Variants in IQGAP3 observed in about 807,000 individuals in gnomAD.
IQGAP3 encodes ras GTPase-activating-like protein IQGAP3.
In IQGAP3, 165 loss-of-function variants were observed where a neutral mutation model predicts 208.2. The observed-to-expected ratio is 0.79, with a 90% CI of 0.70 to 0.90. IQGAP3 has a LOEUF of 0.90. Ranked by LOEUF, IQGAP3 falls within the 40% of genes least tolerant of loss-of-function variation. The pLI is 0.00. For missense variants in IQGAP3, 1,811 were observed against 2,043.1 expected (o/e 0.89, Z 2.19); for synonymous variants, 703 against 803.6 (o/e 0.87, Z 2.12).
At chr1:156,568,556 G>A (rs111392181) in intron 2 of IQGAP3, among the ~76,000 whole-genome samples, 2 of 152,214 alleles carry the variant, frequency 1.3e-5, no homozygotes, top group African/African-American at 4.8e-5. Context: ...GTCTCACTTT[G>A]TCATCCAGGA....
Position 156,533,205 on chromosome 1 carries a change from T to G in IQGAP3, c.3977-99A>C. On this transcript the variant is annotated intron_variant, in intron 31 of 37. Transcript: ENST00000361170. ...CATGCACCGATGGGGTCACATTAAA[T>G]CAGCTGCTCCACATGCCCCTCTTCC... The G allele has an allele frequency of 2.1e-6, 3 of 1,458,034 alleles. No individual in the cohort carries two copies. In the South Asian group the frequency reaches 3.7e-5, roughly 18 times the overall value. 90.3% of individuals were successfully genotyped at this position (1,458,034 alleles called of 1,614,324 possible). A position where few individuals can be genotyped will look rare whatever the true frequency, so the allele number is the denominator to read the frequency against.
intron 34 of IQGAP3, 83 bp downstream of exon 34, chr1:156,530,022 C>T (rs1557915645): frequency 3.4e-6 from 4 of 1,172,344 alleles, no homozygotes; most frequent in Admixed American, 4.1e-5. Flanking sequence ...GAGGGGCCCA[C>T]CAACACTATG....
intron 2 of IQGAP3, among the ~76,000 whole-genome samples, chr1:156,567,604 T>C (rs1676466176): frequency 6.6e-6 from 1 of 152,224 alleles, no homozygotes; most frequent in African/African-American, 2.4e-5. Context: ...CCCTACATAT[T>C]GGGGTCTAAT....
intron 32 of IQGAP3, among the ~76,000 whole-genome samples, chr1:156,532,386 CAAAAA>C (rs11302550): frequency 1.2e-5 from 1 of 81,562 alleles, no homozygotes. Context: ...GACTCCATCT[CAAAAA>C]AAAAAAAAAA....
At chr1:156,540,951 T>C (rs1265363215) in intron 22 of IQGAP3, 35 bp from the exon 23 acceptor site, 1 of 1,577,570 alleles carries the variant, frequency 6.3e-7, no homozygotes, top group East Asian at 2.2e-5. Context: ...GGATTAGCCA[T>C]GCCTCATCAG....
intron 19 of IQGAP3, among the ~76,000 whole-genome samples, chr1:156,546,226 G>A (rs1477460856): frequency 1.3e-5 from 2 of 152,114 alleles, no homozygotes; most frequent in African/African-American, 2.4e-5. Context: ...TCCTGGATGG[G>A]GTTCTGGCCA....
chr1:156,531,374 G>C (rs1229564465), intron 32 of IQGAP3, 127 bp from the exon 33 acceptor site: 3 of 708,850 alleles, frequency 4.2e-6, no homozygotes, highest in Non-Finnish European at 7.7e-6. Context: ...TATAAGGAGA[G>C]AGAGCGAGGG....
intron 19 of IQGAP3, among the ~76,000 whole-genome samples, chr1:156,547,319 T>C (rs1675292679): frequency 1.3e-5 from 2 of 151,910 alleles, no homozygotes; most frequent in African/African-American, 4.8e-5. Flanking sequence ...CCACCACTTC[T>C]TCGAGCCCTC....
At chr1:156,547,406 C>G (rs1318879023) in intron 19 of IQGAP3, among the ~76,000 whole-genome samples, 2 of 151,694 alleles carry the variant, frequency 1.3e-5, no homozygotes, top group East Asian at 1.9e-4. Flanking sequence ...CACACACACA[C>G]ACACACACAC....
intron 37 of IQGAP3, among the ~76,000 whole-genome samples, chr1:156,527,327 C>T (rs1214997589): frequency 6.6e-6 from 1 of 151,498 alleles, no homozygotes; most frequent in Non-Finnish European, 1.5e-5. Context: ...TAAAAATACA[C>T]AAAAAGCCGG....
At chr1:156,527,675 A>C (rs1198761142) in intron 37 of IQGAP3, among the ~76,000 whole-genome samples, 1 of 152,208 alleles carries the variant, frequency 6.6e-6, no homozygotes, top group Non-Finnish European at 1.5e-5. Flanking sequence ...AGTCCCTGAC[A>C]TGTGATAGGG....
At chr1:156,546,799 C>G (rs1216121968) in intron 19 of IQGAP3, among the ~76,000 whole-genome samples, 1 of 152,198 alleles carries the variant, frequency 6.6e-6, no homozygotes, top group East Asian at 1.9e-4. Context: ...AATTACCCCC[C>G]AACACCCTCA....
chr1:156,544,666 C>A (rs1050873729), intron 19 of IQGAP3, among the ~76,000 whole-genome samples, 194 bp from the exon 20 acceptor site: 3 of 152,150 alleles, frequency 2.0e-5, no homozygotes, highest in Non-Finnish European at 4.4e-5. Context: ...ACATAGCCAA[C>A]AATGCCCTCT....
chr1:156,562,034 G>C (rs2102435450), intron 9 of IQGAP3, 33 bp from the exon 10 acceptor site: 1 of 1,557,938 alleles, frequency 6.4e-7, no homozygotes. Flanking sequence ...TGGACAGTGT[G>C]AGAAAGCCAC....
Position 156,563,658 on chromosome 1 carries a change from G to A in IQGAP3, c.514C>T (p.Leu172Phe). Reference protein sequence around the residue: ...YGKVKFTAEELSNMASELAKY... With the variant: ...YGKVKFTAEEFSNMASELAKY... Reference sequence around the variant, plus strand: ...GCCAGTTCGGACGCCATGTTGCTGAGTTCCTCAGCTGCAATGATGCCACAG... The same window carrying A: ...GCCAGTTCGGACGCCATGTTGCTGAATTCCTCAGCTGCAATGATGCCACAG... Residue 172 changes from leucine (L) to phenylalanine (F), a missense_variant, in exon 7 of 38, where the codon CTC (leucine) becomes TTC (phenylalanine). Transcript: ENST00000361170. 1.2e-6 allele frequency: 2 copies of A among 1,612,766 alleles called. No homozygotes were observed. Among genetic ancestry groups the A allele is most frequent in the Non-Finnish European group, 8.5e-7 (1 of 1,179,458 alleles).
chr1:156,569,953 T>C lies in IQGAP3; in HGVS notation c.38-490A>G, dbSNP rs1185101754. ...CCTCCTGTGCTGGAGGCATTACTTC[T>C]CTTTCCTCTGTAGCCATCTTCCTGT... is the stretch of plus-strand genomic sequence containing the variant. On this transcript the variant is annotated intron_variant, in intron 1 of 37. Coordinates refer to ENST00000361170, the MANE Select transcript of IQGAP3 (RefSeq NM_178229.5). Among the ~76,000 whole-genome samples the C allele has an allele frequency of 1.4e-4, 21 of 152,184 alleles. 1 individual carries two copies. The highest frequency in any genetic ancestry group is 1.4e-3 in the Admixed American group (21 of 15,284).
chr1:156,561,075 G>A (rs370381061), intron 10 of IQGAP3, 54 bp from the exon 11 acceptor site: 47 of 1,332,732 alleles, frequency 3.5e-5, no homozygotes, highest in Non-Finnish European at 4.4e-5. Context: ...CCATGACCAT[G>A]CTTTACGAGT....
chr1:156,546,563 C>A (rs1037351668), intron 19 of IQGAP3, among the ~76,000 whole-genome samples: 1 of 152,144 alleles, frequency 6.6e-6, no homozygotes, highest in Non-Finnish European at 1.5e-5. Context: ...GCCCTGAAAA[C>A]AAAATCTCAT....
chr1:156,530,389 T>G, intron 33 of IQGAP3, 72 bp from the exon 34 acceptor site: 1 of 1,340,838 alleles, frequency 7.5e-7, no homozygotes, highest in Non-Finnish European at 1.0e-6. Context: ...GAAGGTCCCA[T>G]GGGCACCAGC....
Sources: allele counts gnomAD v4.1 joint callset (sites outside exome capture counted in the v4.1 genomes callset), GRCh38; gene constraint gnomAD v4.1.1; transcripts MANE v1.5; gene names NCBI Gene and HGNC (gene_info 2026-07-23, HGNC 2026-07-21).